Variants in CHEK1 observed in about 807,000 individuals in gnomAD.
CHEK1 encodes serine/threonine-protein kinase Chk1.
CHEK1 carries 32 observed loss-of-function variants against 60.2 expected under a neutral mutation model. The ratio of observed to expected loss-of-function variants is 0.53; its 90% CI spans 0.40 to 0.71. The LOEUF is 0.71. Ranked by LOEUF, CHEK1 falls within the 30% of genes least tolerant of loss-of-function variation. The pLI is 0.00. For synonymous variants in CHEK1, 179 were observed against 187.2 expected (o/e 0.96, Z 0.36); for missense variants, 399 against 564.6 (o/e 0.71, Z 2.97).
In CHEK1 at chr11:125,655,752, G is replaced by T. The variant is rs566817329; in HGVS notation, c.*432G>T. 4 of 217,386 alleles carry T rather than the reference G, an allele frequency of 1.8e-5. No homozygotes were observed. The highest frequency in any genetic ancestry group is 9.0e-5 in the African/African-American group (4 of 44,528). The allele number at this position is 217,386 out of a possible 1,614,324, so 13.5% of individuals were successfully genotyped here. A position where few individuals can be genotyped will look rare whatever the true frequency, so the allele number is the denominator to read the frequency against. The stretch of plus-strand genomic sequence containing the variant: ...AAAGACATAATTCTTGTGACTTTTG[G>T]ACAGTAGATTTATCAGTCTGTGAAG... On this transcript the variant is annotated 3_prime_UTR_variant, in exon 13 of 13. Coordinates refer to ENST00000438015, the MANE Select transcript of CHEK1 (RefSeq NM_001114122.3).
intron 12 of CHEK1, among the ~76,000 whole-genome samples, chr11:125,654,965 A>G (rs962104057): frequency 1.3e-5 from 2 of 152,180 alleles, no homozygotes; most frequent in South Asian, 2.1e-4. Flanking sequence ...CCTGAAACAG[A>G]TAGGATGCCA....
At chr11:125,635,584 C>A in intron 7 of CHEK1, 51 bp downstream of exon 7, 1 of 1,170,724 alleles carries the variant, frequency 8.5e-7, no homozygotes, top group Non-Finnish European at 1.2e-6. Flanking sequence ...GATATGAAGT[C>A]TTGTGCTATT....
intron 8 of CHEK1, among the ~76,000 whole-genome samples, chr11:125,637,964 T>A (rs1941137207): frequency 6.6e-6 from 1 of 152,232 alleles, no homozygotes; most frequent in African/African-American, 2.4e-5. Context: ...GTTGTGTTCA[T>A]CATTGTATCA....
chr11:125,630,894 T>C (rs3731405), intron 5 of CHEK1, among the ~76,000 whole-genome samples: 3,125 of 152,244 alleles, frequency 0.021, 81 homozygotes, highest in African/African-American at 0.068. Flanking sequence ...GCATGGCTTT[T>C]CAAGCCATGT....
In CHEK1 at chr11:125,672,757, G is replaced by A. The variant is rs557946390; in HGVS notation, c.*28-3171G>A. On this transcript the variant is annotated intron_variant, in intron 13 of 13. Coordinates refer to the CHEK1 transcript ENST00000428830. ...GACAGACTAGTGAGCAGAAAGCTTC[G>A]TCCTCCAACCTTAGCCTTTATCTGT... The A allele has an allele frequency of 2.7e-5, 44 of 1,611,256 alleles. No homozygotes were observed. The Admixed American group carries it at 3.7e-4, about 13-fold the overall frequency.
rs1941791344 is a variant in CHEK1, at chr11:125,653,012, C to T, written c.1234-734C>T. ...GTATCCTCTGTTCTGCCTTCTACTT[C>T]TATGAAATTAACAGTTTTTTTGTTT... On this transcript the variant is annotated intron_variant, in intron 11 of 12. Coordinates refer to ENST00000438015, the MANE Select transcript of CHEK1 (RefSeq NM_001114122.3). The surrounding 1 kb of genome is among the most constrained non-coding windows in gnomAD (Gnocchi z 4.3). 6.6e-6 allele frequency among the ~76,000 whole-genome samples: 1 copy of T among 152,112 alleles called. No individual in the cohort carries two copies. Among genetic ancestry groups the T allele is most frequent in the South Asian group, 2.1e-4 (1 of 4,824 alleles).
At chr11:125,677,808 C>T, downstream of CHEK1, 2 of 1,614,122 alleles carry the variant, frequency 1.2e-6, no homozygotes, top group Non-Finnish European at 1.7e-6. Context: ...TGTAGATGTG[C>T]TTGAAATTGG....
At chr11:125,646,238 G>T (rs1941501105) in intron 11 of CHEK1, among the ~76,000 whole-genome samples, 1 of 152,076 alleles carries the variant, frequency 6.6e-6, no homozygotes, top group East Asian at 1.9e-4. Context: ...CATATAACAT[G>T]TAGTCCTTTG....
At chr11:125,679,216 C>CTTTTTTTTTTTTTTTTTTT (rs71045115), downstream of CHEK1, among the ~76,000 whole-genome samples, 451 of 120,974 alleles carry the variant, frequency 3.7e-3, 34 homozygotes, top group African/African-American at 0.013. Context: ...CCGTCTCTTT[C>CTTTTTTTTTTTTTTTTTTT]TTTTTTTTTT....
chr11:125,633,118 G>T, intron 5 of CHEK1, 45 bp from the exon 6 acceptor site: 3 of 1,513,416 alleles, frequency 2.0e-6, no homozygotes, highest in South Asian at 1.3e-5. Context: ...ATATCTATTT[G>T]CAAAACATTT....
rs539148685 is a variant in CHEK1, at chr11:125,629,567, T to C, written c.424+107T>C. ...AGCCATACAAGGCAAAATCAAGTCT[T>C]TTTGCATTACTGGAATTTCAAGACA... is the stretch of plus-strand genomic sequence containing the variant. On this transcript the variant is annotated intron_variant, in intron 5 of 12. Coordinates refer to ENST00000438015, the MANE Select transcript of CHEK1 (RefSeq NM_001114122.3). The C allele has an allele frequency of 5.1e-6, 4 of 778,742 alleles. No homozygotes were observed. The African/African-American group carries it at 7.1e-5, about 14-fold the overall frequency. The allele number at this position is 778,742 out of a possible 1,614,324, so 48.2% of individuals were successfully genotyped here. A position where few individuals can be genotyped will look rare whatever the true frequency, so the allele number is the denominator to read the frequency against.
chr11:125,678,407 G>T (rs1462182176), downstream of CHEK1: 16 of 1,320,994 alleles, frequency 1.2e-5, 1 homozygote, highest in Non-Finnish European at 1.6e-5. Context: ...TTTCCTATGG[G>T]CCTAGATTGG....
chr11:125,635,392 G>A, intron 6 of CHEK1, 37 bp from the exon 7 acceptor site: 1 of 1,214,586 alleles, frequency 8.2e-7, no homozygotes, highest in Non-Finnish European at 1.2e-6. Context: ...TTTATAATAA[G>A]AACATTTAAA....
In CHEK1 at chr11:125,625,874, A is replaced by C. The variant is rs756266529; in HGVS notation, c.-159A>C. 23 of 702,646 alleles carry C rather than the reference A, an allele frequency of 3.3e-5. No homozygotes were observed. The highest frequency in any genetic ancestry group is 1.2e-4 in the African/African-American group (7 of 57,408). The allele number at this position is 702,646 out of a possible 1,614,324, so 43.5% of individuals were successfully genotyped here. A position where few individuals can be genotyped will look rare whatever the true frequency, so the allele number is the denominator to read the frequency against. On this transcript the variant is annotated 5_prime_UTR_variant, in exon 1 of 13. Coordinates refer to ENST00000438015, the MANE Select transcript of CHEK1 (RefSeq NM_001114122.3). Reference sequence around the variant, plus strand: ...CACCCTTTTGGAGCCGCCGACATTCAGAGGGGCAGGACACGGGAACGCGCG... The same window carrying C: ...CACCCTTTTGGAGCCGCCGACATTCCGAGGGGCAGGACACGGGAACGCGCG...
intron 11 of CHEK1, among the ~76,000 whole-genome samples, chr11:125,647,967 C>A (rs1233381528): frequency 3.3e-5 from 5 of 152,130 alleles, no homozygotes; most frequent in Non-Finnish European, 7.3e-5. Flanking sequence ...GGATGCTAAA[C>A]CTCTAATAGT....
At chr11:125,633,012 AT>A in intron 5 of CHEK1, 150 bp from the exon 6 acceptor site, 1 of 596,058 alleles carries the variant, frequency 1.7e-6, no homozygotes, top group Non-Finnish European at 2.7e-6. Context: ...ATTTTTTTAA[AT>A]TTCTTTTTGT....
chr11:125,660,764 AG>A (rs1337895104), downstream of CHEK1, among the ~76,000 whole-genome samples: 1 of 151,380 alleles, frequency 6.6e-6, no homozygotes, highest in Non-Finnish European at 1.5e-5. Context: ...AAAAAAAAAA[AG>A]AAAAAGTTTG....
At chr11:125,666,530 A>G (rs746529807) in intron 13 of CHEK1, among the ~76,000 whole-genome samples, 2 of 152,174 alleles carry the variant, frequency 1.3e-5, no homozygotes, top group African/African-American at 2.4e-5. Context: ...GGTCTAAAGT[A>G]TAGTTTACCT....
At chr11:125,660,752 CAAAA>C (rs57658252), downstream of CHEK1, among the ~76,000 whole-genome samples, 2 of 140,456 alleles carry the variant, frequency 1.4e-5, no homozygotes, top group Admixed American at 7.2e-5. Context: ...GATTTATTAA[CAAAA>C]AAAAAAAAGA....
Sources: gnomAD v4.1 joint callset for allele counts (sites outside exome capture counted in the v4.1 genomes callset) on GRCh38, gnomAD v4.1.1 for gene constraint, Gnocchi (gnomAD v3.1) non-coding constraint, MANE v1.5 for transcripts, NCBI Gene and HGNC (gene_info 2026-07-23, HGNC 2026-07-21) for gene names.